DLG2: variants seen among roughly 807,000 people sequenced by gnomAD.
The protein encoded by DLG2 is discs large MAGUK scaffold protein 2, also known as disks large homolog 2.
A neutral mutation model predicts 132.5 loss-of-function variants in DLG2; 45 were observed. The ratio of observed to expected loss-of-function variants is 0.34; its 90% CI spans 0.27 to 0.44. The LOEUF is 0.44. Among genes scored for constraint, DLG2 ranks in the 20% least tolerant of loss-of-function variants. The pLI, the probability that DLG2 is intolerant of heterozygous loss-of-function variation, is 1.00. For synonymous variants in DLG2, 424 were observed against 419.6 expected (o/e 1.01, Z -0.13); for missense variants, 1,045 against 1,196.9 (o/e 0.87, Z 1.87).
chr11:85,105,956 T>C (rs182285478), intron 6 of DLG2, among the ~76,000 whole-genome samples: 120 of 148,776 alleles, frequency 8.1e-4, no homozygotes, highest in African/African-American at 2.9e-3. Flanking sequence ...CACAATGCAT[T>C]CTGGGAAAAA....
intron 14 of DLG2, among the ~76,000 whole-genome samples, chr11:83,945,826 G>A (rs1481058542): frequency 1.3e-5 from 2 of 151,280 alleles, no homozygotes; most frequent in African/African-American, 4.9e-5. Flanking sequence ...GTGTGTGTGT[G>A]TGTGTGTGTG....
At chr11:83,734,952 G>A (rs1002820177) in intron 18 of DLG2, among the ~76,000 whole-genome samples, 3 of 151,820 alleles carry the variant, frequency 2.0e-5, no homozygotes, top group African/African-American at 4.8e-5. Flanking sequence ...CAAACAAGGC[G>A]CCCCACACAG....
At chr11:85,380,212 AGT>A (rs756574353) in intron 3 of DLG2, among the ~76,000 whole-genome samples, 55 of 152,338 alleles carry the variant, frequency 3.6e-4, no homozygotes, top group Non-Finnish European at 6.5e-4. Flanking sequence ...CAATATATAT[AGT>A]GTTTATTCCA....
At chr11:85,306,021 C>A (rs193009763) in intron 3 of DLG2, among the ~76,000 whole-genome samples, 64 of 152,306 alleles carry the variant, frequency 4.2e-4, no homozygotes, top group African/African-American at 1.5e-3. Flanking sequence ...CTGCCACCAA[C>A]TAGCTGTGTA....
chr11:83,480,753 A>T (rs2093037677), intron 22 of DLG2: 4 of 788,670 alleles, frequency 5.1e-6, no homozygotes, highest in Non-Finnish European at 8.2e-6. Context: ...AATGACTAGT[A>T]TGTCTTGACT....
At chr11:85,430,757 G>A (rs1253385934) in intron 3 of DLG2, among the ~76,000 whole-genome samples, 1 of 151,912 alleles carries the variant, frequency 6.6e-6, no homozygotes, top group East Asian at 1.9e-4. Context: ...TAGTTTTTAA[G>A]GGGGACTGAA....
chr11:84,086,919 G>A (rs1198808602), intron 10 of DLG2, among the ~76,000 whole-genome samples: 1 of 152,156 alleles, frequency 6.6e-6, no homozygotes, highest in African/African-American at 2.4e-5. Context: ...TGTATAATAT[G>A]TGGCCTTTTT....
At chr11:83,747,680 C>T (rs945704401) in intron 18 of DLG2, among the ~76,000 whole-genome samples, 6 of 151,900 alleles carry the variant, frequency 3.9e-5, no homozygotes, top group Admixed American at 2.6e-4. Context: ...CCACCGCACC[C>T]GGTTTTGAAT....
chr11:84,978,489 C>T (rs1280787823), intron 6 of DLG2, among the ~76,000 whole-genome samples: 1 of 152,042 alleles, frequency 6.6e-6, no homozygotes, highest in Non-Finnish European at 1.5e-5. Flanking sequence ...GAACAGAGCC[C>T]TCAGAAATGG....
chr11:85,037,089 T>C (rs1006497751), intron 6 of DLG2, among the ~76,000 whole-genome samples: 3 of 152,204 alleles, frequency 2.0e-5, no homozygotes, highest in Non-Finnish European at 1.5e-5. Context: ...GGCATCACTT[T>C]ACAGCTAGGA....
chr11:85,487,263 C>A (rs2093450022), intron 3 of DLG2, among the ~76,000 whole-genome samples: 1 of 151,408 alleles, frequency 6.6e-6, no homozygotes, highest in Non-Finnish European at 1.5e-5. Context: ...CAGCAAAAAG[C>A]AAGGAAATAT....
intron 7 of DLG2, among the ~76,000 whole-genome samples, chr11:84,514,341 G>C (rs2099266067): frequency 6.6e-6 from 1 of 151,988 alleles, no homozygotes; most frequent in Non-Finnish European, 1.5e-5. Flanking sequence ...CCACTCCTGG[G>C]TATATACCTA....
intron 16 of DLG2, among the ~76,000 whole-genome samples, chr11:83,869,745 T>A (rs1028117819): frequency 6.6e-6 from 1 of 152,218 alleles, no homozygotes; most frequent in African/African-American, 2.4e-5. Context: ...CCTTGAAGAA[T>A]TTCCCTGAAG....
At chr11:84,723,280 C>G (rs2062042074) in intron 6 of DLG2, among the ~76,000 whole-genome samples, 1 of 152,146 alleles carries the variant, frequency 6.6e-6, no homozygotes, top group South Asian at 2.1e-4. Flanking sequence ...TCTAGGGCAG[C>G]ATTAAGGCTG....
intron 18 of DLG2, among the ~76,000 whole-genome samples, chr11:83,664,932 G>T (rs1181554737): frequency 6.6e-6 from 1 of 152,186 alleles, no homozygotes; most frequent in Non-Finnish European, 1.5e-5. Context: ...CTCAACTAGA[G>T]TTTGAGGACA....
chr11:84,606,763 C>T (rs2099586408), intron 6 of DLG2, among the ~76,000 whole-genome samples: 1 of 151,888 alleles, frequency 6.6e-6, no homozygotes, highest in South Asian at 2.1e-4. Flanking sequence ...GCTACAGAAA[C>T]AAGAAAATAA....
chr11:84,085,701 A>G (rs1382306657), intron 10 of DLG2, among the ~76,000 whole-genome samples: 4 of 152,218 alleles, frequency 2.6e-5, no homozygotes, highest in Non-Finnish European at 5.9e-5. Context: ...ATATAAACCT[A>G]CAAATAATTC....
intron 6 of DLG2, among the ~76,000 whole-genome samples, chr11:84,817,430 C>A (rs1429257608): frequency 6.6e-6 from 1 of 151,802 alleles, no homozygotes; most frequent in Admixed American, 6.6e-5. Flanking sequence ...GTTTTTCAAT[C>A]CAGGAAGAGC....
At chr11:84,853,556 A>G (rs2082402805) in intron 6 of DLG2, among the ~76,000 whole-genome samples, 1 of 152,024 alleles carries the variant, frequency 6.6e-6, no homozygotes, top group African/African-American at 2.4e-5. Flanking sequence ...TCTCTCATGT[A>G]TTAAAGAAAC....
Sources: allele counts gnomAD v4.1 joint callset (sites outside exome capture counted in the v4.1 genomes callset), GRCh38; gene constraint gnomAD v4.1.1; transcripts MANE v1.5; gene names NCBI Gene and HGNC (gene_info 2026-07-23, HGNC 2026-07-21).